Variants in CPED1 observed in about 807,000 individuals in gnomAD.
The protein encoded by CPED1 is cadherin-like and PC-esterase domain-containing protein 1.
CPED1 carries 114 observed loss-of-function variants against 128.2 expected under a neutral mutation model. The ratio of observed to expected loss-of-function variants is 0.89; its 90% CI spans 0.76 to 1.04. The LOEUF (loss-of-function observed/expected upper bound fraction) is 1.04, where lower values mean the gene tolerates loss of function less well. Among genes scored for constraint, CPED1 ranks in the 50% least tolerant of loss-of-function variants. The probability of loss-of-function intolerance (pLI) is 0.00; values close to 1 mark genes in which losing one functional copy is unlikely to be tolerated. For synonymous variants in CPED1, 462 were observed against 426.7 expected, an observed-to-expected ratio of 1.08 and a Z score of -1.02; for missense variants, 1,211 against 1,207.1, an observed-to-expected ratio of 1.00 and a Z score of -0.05.
At chr7:121,231,420 T>G (rs1301875734) in intron 16 of CPED1, among the ~76,000 whole-genome samples, 2 of 152,048 alleles carry the variant, frequency 1.3e-5, no homozygotes, top group Admixed American at 6.6e-5. Context: ...CCAACAGAGA[T>G]GTAGAAATGA....
intron 16 of CPED1, among the ~76,000 whole-genome samples, chr7:121,228,201 A>G (rs947746784): frequency 1.3e-5 from 2 of 152,062 alleles, no homozygotes; most frequent in Non-Finnish European, 2.9e-5. Flanking sequence ...AAATCAAGAG[A>G]TAACTTGCTG....
At position 121,256,756 on chromosome 7, in the gene CPED1, C is replaced by T. The variant is rs149101949; in HGVS notation, c.2311-9471C>T. ...GAAATAAATTGTTCTGCCAAAAAGA[C>T]GCATGCACTCGTATGTTCATCACCA... On this transcript the variant is annotated intron_variant, in intron 18 of 22. Coordinates refer to ENST00000310396, the MANE Select transcript of CPED1 (RefSeq NM_024913.5). Among the ~76,000 whole-genome samples, 1,029 of 152,010 alleles carry T rather than the reference C, an allele frequency of 6.8e-3. 14 individuals are homozygous for T. Among genetic ancestry groups the T allele is most frequent in the African/African-American group, 0.023 (941 of 41,470 alleles).
chr7:121,183,527 C>T (rs1210321748), intron 16 of CPED1, among the ~76,000 whole-genome samples: 1 of 152,074 alleles, frequency 6.6e-6, no homozygotes, highest in East Asian at 1.9e-4. Flanking sequence ...CCTTAAGGTA[C>T]AGATTTTGTT....
chr7:121,203,106 A>G (rs980335262), intron 16 of CPED1, among the ~76,000 whole-genome samples: 26 of 152,192 alleles, frequency 1.7e-4, no homozygotes, highest in African/African-American at 4.8e-4. Context: ...ATCCTTTCCA[A>G]ATCTTTTCCA....
chr7:121,156,804 T>A (rs1796294886), intron 16 of CPED1, among the ~76,000 whole-genome samples: 1 of 150,678 alleles, frequency 6.6e-6, no homozygotes, highest in Non-Finnish European at 1.5e-5. Flanking sequence ...ATAAAAAAAT[T>A]AAAAAATAAA....
chr7:121,194,046 A>AT (rs1372912698), intron 16 of CPED1, among the ~76,000 whole-genome samples: 105 of 52,984 alleles, frequency 2.0e-3, no homozygotes, highest in Middle Eastern at 0.03. Context: ...ATATATATAT[A>AT]TATTTTTTTT....
intron 16 of CPED1, among the ~76,000 whole-genome samples, chr7:121,157,304 A>G (rs933217773): frequency 1.3e-5 from 2 of 152,224 alleles, no homozygotes; most frequent in Admixed American, 6.5e-5. Flanking sequence ...TTAAAAGCCC[A>G]CTTAATATAC....
intron 22 of CPED1, among the ~76,000 whole-genome samples, chr7:121,284,107 C>T (rs1003117592): frequency 4.6e-5 from 7 of 152,246 alleles, no homozygotes; most frequent in African/African-American, 9.6e-5. Flanking sequence ...AAGAAACTTA[C>T]AACTGGCAAA....
At chr7:121,010,073 G>A (rs1185621909) in intron 2 of CPED1, among the ~76,000 whole-genome samples, 1 of 152,082 alleles carries the variant, frequency 6.6e-6, no homozygotes, top group Admixed American at 6.5e-5. Context: ...ACAAATCTAG[G>A]CCCTCATGGA....
chr7:121,124,756 A>T (rs1584529526), intron 8 of CPED1, among the ~76,000 whole-genome samples: 1 of 152,342 alleles, frequency 6.6e-6, no homozygotes, highest in East Asian at 1.9e-4. Flanking sequence ...TTTCAAGTGC[A>T]ACTGTTTCTA....
chr7:121,050,040 A>G (rs1219279239), intron 4 of CPED1, among the ~76,000 whole-genome samples: 1 of 152,194 alleles, frequency 6.6e-6, no homozygotes, highest in African/African-American at 2.4e-5. Context: ...TAAATCTGTT[A>G]CACTCAGCAC....
chr7:121,237,120 C>G (rs1053498314), intron 17 of CPED1, among the ~76,000 whole-genome samples: 1 of 152,032 alleles, frequency 6.6e-6, no homozygotes, highest in Non-Finnish European at 1.5e-5. Context: ...TGATTTGTTT[C>G]TTTATTATAT....
At chr7:121,136,938 T>C (rs1040204823) in intron 14 of CPED1, among the ~76,000 whole-genome samples, 3 of 152,010 alleles carry the variant, frequency 2.0e-5, no homozygotes, top group African/African-American at 4.8e-5. Flanking sequence ...CTGAGTTTTC[T>C]TAATATTCTA....
intron 4 of CPED1, among the ~76,000 whole-genome samples, chr7:121,054,383 T>C (rs1042674045): frequency 6.6e-5 from 10 of 152,320 alleles, no homozygotes; most frequent in African/African-American, 1.9e-4. Context: ...TATTTCCCTA[T>C]TGTTTAACCC....
At chr7:121,229,584 C>T (rs1365153203) in intron 16 of CPED1, among the ~76,000 whole-genome samples, 1 of 152,012 alleles carries the variant, frequency 6.6e-6, no homozygotes, top group Non-Finnish European at 1.5e-5. Context: ...TTTCACTTTA[C>T]AGTACTTATA....
At chr7:121,002,900 A>G (rs1193054209) in intron 2 of CPED1, among the ~76,000 whole-genome samples, 1 of 152,180 alleles carries the variant, frequency 6.6e-6, no homozygotes, top group Non-Finnish European at 1.5e-5. Context: ...AATCCTAAGC[A>G]CATTTCCAAA....
At chr7:121,117,096 T>TATATATAA (rs1554436994) in intron 7 of CPED1, among the ~76,000 whole-genome samples, 1 of 143,122 alleles carries the variant, frequency 7.0e-6, no homozygotes, top group Non-Finnish European at 1.5e-5. Flanking sequence ...TATATATATA[T>TATATATAA]ATAAATATAT....
chr7:120,989,727 C>A lies in CPED1; in HGVS notation c.106C>A (p.Arg36=). The A allele has an allele frequency of 1.9e-6, 3 of 1,613,838 alleles. No homozygotes were observed. Among genetic ancestry groups the A allele is most frequent in the Non-Finnish European group, 2.5e-6 (3 of 1,179,996 alleles). Residue 36 remains arginine, a synonymous_variant, in exon 2 of 23, where the codon CGA becomes AGA. Coordinates refer to ENST00000310396, the MANE Select transcript of CPED1 (RefSeq NM_024913.5). Reference sequence around the variant, plus strand: ...TCTCTTCTACCAGACTCTGACCCTCCGAGGGTCGAGGAAGCTCACAGCCGC... The same window carrying A: ...TCTCTTCTACCAGACTCTGACCCTCAGAGGGTCGAGGAAGCTCACAGCCGC... ...ICLFYQTLTL[R]GSRKLTAAAP... is the part of the protein sequence containing the mutation.
chr7:121,084,383 G>A (rs1229533794), intron 5 of CPED1, among the ~76,000 whole-genome samples: 1 of 152,176 alleles, frequency 6.6e-6, no homozygotes, highest in Non-Finnish European at 1.5e-5. Flanking sequence ...GTATTTCAAT[G>A]TGTAAATATT....
Sources: gnomAD v4.1 joint callset for allele counts (sites outside exome capture counted in the v4.1 genomes callset) on GRCh38, gnomAD v4.1.1 for gene constraint, MANE v1.5 for transcripts, NCBI Gene and HGNC (gene_info 2026-07-23, HGNC 2026-07-21) for gene names.